The following ARMC9 variants were observed in gnomAD, a reference collection of about 807,000 sequenced individuals.
ARMC9 encodes the protein lisH domain-containing protein ARMC9.
ARMC9 carries 94 observed loss-of-function variants against 107.0 expected under a neutral mutation model. The ratio of observed to expected loss-of-function variants is 0.88; its 90% CI spans 0.74 to 1.04. ARMC9 has a LOEUF of 1.04. ARMC9 is among the 50% of genes least tolerant of loss of function. ARMC9 has a pLI of 0.00. For synonymous variants in ARMC9, 380 were observed against 396.9 expected, an observed-to-expected ratio of 0.96 and a Z score of 0.51; for missense variants, 942 against 1,030.1, an observed-to-expected ratio of 0.91 and a Z score of 1.17.
chr2:231,351,601 T>C (rs1559497231), intron 21 of ARMC9, among the ~76,000 whole-genome samples: 1 of 152,168 alleles, frequency 6.6e-6, no homozygotes, highest in East Asian at 1.9e-4. Context: ...AGAAACCTTT[T>C]AGTGTTTGTG....
At chr2:231,205,888 T>G (rs2031908345) in intron 1 of ARMC9, among the ~76,000 whole-genome samples, 1 of 152,106 alleles carries the variant, frequency 6.6e-6, no homozygotes. Flanking sequence ...GGCTGTTGAG[T>G]CTTTCTCACA....
At chr2:231,345,747 TAC>T (rs1165517313) in intron 21 of ARMC9, among the ~76,000 whole-genome samples, 2 of 152,188 alleles carry the variant, frequency 1.3e-5, no homozygotes, top group African/African-American at 4.8e-5. Flanking sequence ...AGCAAAATAT[TAC>T]AGAGAGCAGG....
chr2:231,211,238 G>T (rs2125314809), intron 3 of ARMC9, among the ~76,000 whole-genome samples: 1 of 151,970 alleles, frequency 6.6e-6, no homozygotes, highest in South Asian at 2.1e-4. Context: ...AGTGCTGTTG[G>T]GGCTGGGCGT....
At chr2:231,356,896 T>G (rs1341441708) in intron 22 of ARMC9, among the ~76,000 whole-genome samples, 1 of 152,106 alleles carries the variant, frequency 6.6e-6, no homozygotes, top group Non-Finnish European at 1.5e-5. Context: ...TGCCATTGAG[T>G]TAAAACATTT....
At chr2:231,322,953 T>C (rs1026826113) in intron 19 of ARMC9, among the ~76,000 whole-genome samples, 3 of 152,194 alleles carry the variant, frequency 2.0e-5, no homozygotes, top group African/African-American at 7.2e-5. Context: ...CTCAGACAAG[T>C]TAGCACAGTG....
At chr2:231,238,086 G>T (rs1326459300) in intron 8 of ARMC9, among the ~76,000 whole-genome samples, 1 of 151,896 alleles carries the variant, frequency 6.6e-6, no homozygotes, top group African/African-American at 2.4e-5. Flanking sequence ...CAGGTGGAAA[G>T]TTGGTCACAT....
At chr2:231,274,500 G>C (rs369126528) in intron 14 of ARMC9, among the ~76,000 whole-genome samples, 1 of 152,210 alleles carries the variant, frequency 6.6e-6, no homozygotes, top group Non-Finnish European at 1.5e-5. Context: ...TGCCATGAAT[G>C]CTTCAGCACA....
At chr2:231,222,296 T>C (rs554844700) in intron 5 of ARMC9, among the ~76,000 whole-genome samples, 1 of 152,332 alleles carries the variant, frequency 6.6e-6, no homozygotes, top group African/African-American at 2.4e-5. Context: ...TTTTTTCTTA[T>C]CTAGACGAGG....
chr2:231,324,237 T>C lies in ARMC9; in HGVS notation c.1774-7556T>C, dbSNP rs563972798. ...CCGCCTCCCAGGTTCAAGCGATTCT[T>C]CTGCCTCAGCCTCCTGAGTAGCTGG... is the stretch of plus-strand genomic sequence containing the variant. On this transcript the variant is annotated intron_variant, in intron 19 of 24. Coordinates refer to ENST00000611582, the MANE Select transcript of ARMC9 (RefSeq NM_001352754.2). 1.4e-3 allele frequency among the ~76,000 whole-genome samples: 207 copies of C among 150,194 alleles called. 2 individuals are homozygous for C. The highest frequency in any genetic ancestry group is 4.6e-3 in the East Asian group (23 of 4,984).
chr2:231,215,174 A>G lies in ARMC9; in HGVS notation c.348+173A>G, dbSNP rs2033362602. The G allele has an allele frequency of 4.8e-6, 3 of 624,612 alleles. No homozygotes were observed. The East Asian group carries it at 9.3e-5, about 19-fold the overall frequency. The allele number at this position is 624,612 out of a possible 1,614,324, so 38.7% of individuals were successfully genotyped here. ...TTTTCTACTGTATTCCCAGCAGTTT[A>G]TATTCTAATTTCTATGGAGATTTAA... On this transcript the variant is annotated intron_variant, in intron 4 of 24. Coordinates refer to ENST00000611582, the MANE Select transcript of ARMC9 (RefSeq NM_001352754.2).
chr2:231,251,553 G>A lies in ARMC9; in HGVS notation c.880-5033G>A, dbSNP rs151230002. ...ATTATGCAGATGAGGAAACTGAGGC[G>A]TGGGGAGTTATTCGGTCATTTATCC... is the stretch of plus-strand genomic sequence containing the variant. On this transcript the variant is annotated intron_variant, in intron 9 of 24. Transcript: ENST00000611582. Among the ~76,000 whole-genome samples the A allele has an allele frequency of 5.4e-3, 828 of 152,294 alleles. 10 individuals are homozygous for A. The highest frequency in any genetic ancestry group is 0.018 in the African/African-American group (743 of 41,558).
chr2:231,200,792 G>A (rs1046143873), intron 1 of ARMC9, among the ~76,000 whole-genome samples: 5 of 149,512 alleles, frequency 3.3e-5, no homozygotes, highest in East Asian at 2.0e-4. Flanking sequence ...CCGAGATCCC[G>A]CCACTGCACT....
At chr2:231,346,846 A>G (rs2044837878) in intron 21 of ARMC9, among the ~76,000 whole-genome samples, 1 of 152,234 alleles carries the variant, frequency 6.6e-6, no homozygotes. Context: ...AATCTAGTTG[A>G]TAAATATAAT....
chr2:231,355,129 A>G (rs2045283884), intron 21 of ARMC9, among the ~76,000 whole-genome samples: 2 of 152,222 alleles, frequency 1.3e-5, no homozygotes, highest in African/African-American at 4.8e-5. Context: ...GCTTGAGCCC[A>G]GGAGTTCGAG....
intron 21 of ARMC9, among the ~76,000 whole-genome samples, chr2:231,351,418 C>T (rs1007007801): frequency 6.6e-6 from 1 of 152,050 alleles, no homozygotes. Context: ...TTTCCCTTAC[C>T]GTTTAAACCA....
chr2:231,309,576 G>A (rs1222906544), intron 19 of ARMC9, among the ~76,000 whole-genome samples: 2 of 152,082 alleles, frequency 1.3e-5, no homozygotes, highest in Non-Finnish European at 2.9e-5. Context: ...GAAATGCTTA[G>A]CGTCTGGGTC....
chr2:231,242,021 AAAAC>A (rs2036345264), intron 9 of ARMC9, among the ~76,000 whole-genome samples: 1 of 152,218 alleles, frequency 6.6e-6, no homozygotes, highest in Non-Finnish European at 1.5e-5. Flanking sequence ...CCATGACAAT[AAAAC>A]AAACACCCAC....
intron 19 of ARMC9, among the ~76,000 whole-genome samples, chr2:231,301,346 A>G (rs1030063169): frequency 6.6e-6 from 1 of 152,178 alleles, no homozygotes; most frequent in African/African-American, 2.4e-5. Context: ...TTTTATTTAT[A>G]TGGGCTCTTG....
chr2:231,254,075 C>G (rs2037538094), intron 9 of ARMC9, among the ~76,000 whole-genome samples: 1 of 151,894 alleles, frequency 6.6e-6, no homozygotes, highest in Non-Finnish European at 1.5e-5. Flanking sequence ...TCTCGGGGAA[C>G]AACAAAACAA....
Sources: allele counts gnomAD v4.1 joint callset (sites outside exome capture counted in the v4.1 genomes callset), GRCh38; gene constraint gnomAD v4.1.1; transcripts MANE v1.5; gene names NCBI Gene and HGNC (gene_info 2026-07-23, HGNC 2026-07-21).